The following MAML2 variants were observed in gnomAD, a reference collection of about 807,000 sequenced individuals.
MAML2 encodes the protein mastermind like transcriptional coactivator 2.
Under a neutral mutation model 96.1 loss-of-function variants are expected in MAML2, and 22 were observed. The observed-to-expected ratio is 0.23, with a 90% CI of 0.16 to 0.33. MAML2 has a LOEUF of 0.33. Among genes scored for constraint, MAML2 ranks in the 10% least tolerant of loss-of-function variants. The probability of loss-of-function intolerance (pLI) is 1.00; values close to 1 mark genes in which losing one functional copy is unlikely to be tolerated. For missense variants in MAML2, 1,367 were observed against 1,392.4 expected, an observed-to-expected ratio of 0.98 and a Z score of 0.29; for synonymous variants, 561 against 521.3, an observed-to-expected ratio of 1.08 and a Z score of -1.04.
intron 1 of MAML2, among the ~76,000 whole-genome samples, chr11:96,216,914 AG>A (rs978847768): frequency 1.3e-5 from 2 of 152,220 alleles, no homozygotes; most frequent in African/African-American, 4.8e-5. Context: ...GACAAAGGGC[AG>A]GGGTAATTCC....
chr11:95,994,207 G>C (rs773988732), intron 2 of MAML2, among the ~76,000 whole-genome samples: 5 of 152,168 alleles, frequency 3.3e-5, no homozygotes, highest in South Asian at 2.1e-4. Context: ...AGAAGGACAG[G>C]GGAGTGAGGA....
At chr11:96,044,100 A>G (rs1858858877) in intron 2 of MAML2, among the ~76,000 whole-genome samples, 4 of 152,236 alleles carry the variant, frequency 2.6e-5, no homozygotes, top group Admixed American at 2.6e-4. Context: ...TAGGAATCCA[A>G]GACTGTGTTG....
At chr11:96,166,177 T>TCACACACACACACA (rs1555018442) in intron 1 of MAML2, among the ~76,000 whole-genome samples, 4 of 110,384 alleles carry the variant, frequency 3.6e-5, no homozygotes, top group African/African-American at 1.4e-4. Context: ...TCTCTCTCTC[T>TCACACACACACACA]CACACACACA....
intron 1 of MAML2, among the ~76,000 whole-genome samples, chr11:96,212,923 T>C (rs1480465983): frequency 6.6e-6 from 1 of 152,168 alleles, no homozygotes; most frequent in Non-Finnish European, 1.5e-5. Context: ...ATGAATGAAC[T>C]TGGGTAAGAC....
chr11:96,297,505 G>A (rs1320235755), intron 1 of MAML2, among the ~76,000 whole-genome samples: 2 of 152,078 alleles, frequency 1.3e-5, no homozygotes, highest in African/African-American at 4.8e-5. Flanking sequence ...ATCCCAGGAG[G>A]TGGAGGTTAT....
At chr11:96,220,196 G>A (rs1040361807) in intron 1 of MAML2, among the ~76,000 whole-genome samples, 1 of 152,178 alleles carries the variant, frequency 6.6e-6, no homozygotes, top group Admixed American at 6.5e-5. Flanking sequence ...TCTAGAGAAG[G>A]GGGTGGGGGA....
Position 95,979,924 on chromosome 11 carries a change from A to G in MAML2, c.2495T>C (p.Leu832Ser), listed in dbSNP as rs1404030780. Reference protein sequence around the residue: ...STISLNSNQALANPVSTHTIL... With the variant: ...STISLNSNQASANPVSTHTIL... ...GGTGTGTGTTGAAACTGGGTTTGCCAAAGCCTGGTTAGAGTTTAAGCTTAT... is the reference window on the plus strand; with the variant it reads ...GGTGTGTGTTGAAACTGGGTTTGCCGAAGCCTGGTTAGAGTTTAAGCTTAT... Residue 832 changes from leucine to serine, a missense_variant, in exon 5 of 5, where the codon TTG becomes TCG. By Grantham distance (145) the Leu-to-Ser change is moderately radical (BLOSUM62 -2). Transcript: ENST00000524717. The G allele has an allele frequency of 6.2e-7, 1 of 1,613,908 alleles. No homozygotes were observed. Among genetic ancestry groups the G allele is most frequent in the Non-Finnish European group, 8.5e-7 (1 of 1,179,868 alleles).
In MAML2 at chr11:96,055,491, A is replaced by G. The variant is rs575086742; in HGVS notation, c.2139+36401T>C. On this transcript the variant is annotated intron_variant, in intron 2 of 4. Transcript: ENST00000524717. ...TAAATGAATACACAAAGCTTTATGCATAGTTACCATACAGAGCCTTTTCTC... is the reference window on the plus strand; with the variant it reads ...TAAATGAATACACAAAGCTTTATGCGTAGTTACCATACAGAGCCTTTTCTC... Among the ~76,000 whole-genome samples the G allele has an allele frequency of 1.8e-3, 267 of 152,354 alleles. 2 individuals carry two copies. The highest frequency in any genetic ancestry group is 6.0e-3 in the African/African-American group (248 of 41,586).
intron 1 of MAML2, among the ~76,000 whole-genome samples, chr11:96,115,460 C>T (rs955277462): frequency 7.1e-6 from 1 of 140,782 alleles, no homozygotes; most frequent in Non-Finnish European, 1.5e-5. Flanking sequence ...TAATCCACCA[C>T]CACACCTGGC....
chr11:96,044,128 T>A (rs1214517632), intron 2 of MAML2, among the ~76,000 whole-genome samples: 2 of 152,164 alleles, frequency 1.3e-5, no homozygotes, highest in African/African-American at 4.8e-5. Flanking sequence ...AGGGACTGGA[T>A]AAACAATGGG....
At position 95,991,511 on chromosome 11, in the gene MAML2, A is replaced by C. The variant is rs1429298031; in HGVS notation, c.2343+9T>G. 1 of 1,613,302 alleles carries C rather than the reference A, an allele frequency of 6.2e-7. No homozygotes were observed. The highest frequency in any genetic ancestry group is 1.3e-5 in the African/African-American group (1 of 75,012). ...GGTTTGTTCAGTAGAAATTAAGAGA[A>C]AGTTTTACCGCGTCAGCCAGCATCT... On this transcript the variant is annotated intron_variant, in intron 3 of 4. Coordinates refer to ENST00000524717, the MANE Select transcript of MAML2 (RefSeq NM_032427.4).
intron 1 of MAML2, among the ~76,000 whole-genome samples, chr11:96,148,910 T>C (rs12793288): frequency 0.072 from 10,891 of 152,290 alleles, 563 homozygotes; most frequent in Non-Finnish European, 0.11. Context: ...TAGAAAGGCG[T>C]AAAACAGGCC....
intron 2 of MAML2, among the ~76,000 whole-genome samples, chr11:96,010,154 G>T (rs190375620): frequency 6.6e-6 from 1 of 152,174 alleles, no homozygotes; most frequent in Admixed American, 6.5e-5. Context: ...AACTTCAACA[G>T]ATAGATACTG....
intron 1 of MAML2, among the ~76,000 whole-genome samples, chr11:96,249,495 C>T (rs887665235): frequency 6.6e-6 from 1 of 152,070 alleles, no homozygotes; most frequent in African/African-American, 2.4e-5. Flanking sequence ...AATGAAACTT[C>T]AGTTCTCTCG....
chr11:96,094,100 C>G (rs1294216353), intron 1 of MAML2, among the ~76,000 whole-genome samples: 1 of 152,120 alleles, frequency 6.6e-6, no homozygotes, highest in Non-Finnish European at 1.5e-5. Context: ...TACTTTTCTT[C>G]CTATAATTCC....
intron 1 of MAML2, among the ~76,000 whole-genome samples, chr11:96,159,530 A>C: frequency 7.0e-6 from 1 of 141,910 alleles, no homozygotes; most frequent in Admixed American, 7.4e-5. Context: ...GGTTCACGCC[A>C]CTCTCCCGCC....
chr11:96,316,239 C>G (rs1863632009), intron 1 of MAML2, among the ~76,000 whole-genome samples: 1 of 152,124 alleles, frequency 6.6e-6, no homozygotes, highest in South Asian at 2.1e-4. Context: ...CAAGAAGCAA[C>G]CAGTATACCC....
At chr11:96,011,682 A>G (rs1751677026) in intron 2 of MAML2, among the ~76,000 whole-genome samples, 1 of 152,158 alleles carries the variant, frequency 6.6e-6, no homozygotes, top group African/African-American at 2.4e-5. Context: ...CAATATAACC[A>G]TGGAGCAAAT....
chr11:96,109,919 T>C (rs1308501941), intron 1 of MAML2, among the ~76,000 whole-genome samples: 1 of 152,098 alleles, frequency 6.6e-6, no homozygotes, highest in East Asian at 1.9e-4. Flanking sequence ...CTAAATGGAT[T>C]GCAAGGAACA....
Sources: allele counts gnomAD v4.1 joint callset (sites outside exome capture counted in the v4.1 genomes callset), GRCh38; gene constraint gnomAD v4.1.1; transcripts MANE v1.5; gene names NCBI Gene and HGNC (gene_info 2026-07-23, HGNC 2026-07-21).